HDAC9: variants seen among roughly 807,000 people sequenced by gnomAD.
The protein encoded by HDAC9 is histone deacetylase 9.
Under a neutral mutation model 139.4 loss-of-function variants are expected in HDAC9, and 41 were observed. The ratio of observed to expected loss-of-function variants is 0.29; its 90% confidence interval spans 0.23 to 0.38. The LOEUF is 0.38. Among genes scored for constraint, HDAC9 ranks in the 10% least tolerant of loss-of-function variants. The pLI is 1.00. For synonymous variants in HDAC9, 517 were observed against 476.2 expected (o/e 1.09, Z -1.12); for missense variants, 1,147 against 1,297.0 (o/e 0.88, Z 1.78).
At chr7:18,316,337 T>G (rs1022137875) in intron 1 of HDAC9, among the ~76,000 whole-genome samples, 1 of 152,192 alleles carries the variant, frequency 6.6e-6, no homozygotes, top group South Asian at 2.1e-4. Context: ...AACTTTGCAC[T>G]CAGTTTGGGG....
chr7:18,227,561 T>C (rs1012116300), intron 2 of HDAC9, among the ~76,000 whole-genome samples: 2 of 152,150 alleles, frequency 1.3e-5, no homozygotes, highest in Admixed American at 6.6e-5. Context: ...AATAATTTGT[T>C]ATCAACATTC....
At chr7:18,698,189 T>G (rs746981731) in intron 12 of HDAC9, among the ~76,000 whole-genome samples, 8 of 152,180 alleles carry the variant, frequency 5.3e-5, no homozygotes, top group Admixed American at 3.3e-4. Context: ...TCTGCTACTT[T>G]TCTCCCCCTA....
At chr7:18,991,442 C>T (rs923389651) in intron 25 of HDAC9, among the ~76,000 whole-genome samples, 5 of 152,118 alleles carry the variant, frequency 3.3e-5, no homozygotes, top group Non-Finnish European at 4.4e-5. Context: ...TCAAGACCAT[C>T]CTGGCTAACA....
At chr7:18,437,898 T>G (rs1483272752) in intron 1 of HDAC9, among the ~76,000 whole-genome samples, 2 of 151,220 alleles carry the variant, frequency 1.3e-5, no homozygotes, top group Non-Finnish European at 3.0e-5. Context: ...TTTCTGAACA[T>G]TTACACACAT....
intron 1 of HDAC9, among the ~76,000 whole-genome samples, chr7:18,392,305 TCTCTCTCTCTCA>T (rs1300690258): frequency 5.1e-5 from 7 of 136,570 alleles, no homozygotes; most frequent in East Asian, 2.1e-4. Context: ...TCTCTCTCTC[TCTCTCTCTCTCA>T]CACACACACA....
chr7:18,475,013 TA>T (rs1430865241), intron 1 of HDAC9, among the ~76,000 whole-genome samples: 9 of 152,358 alleles, frequency 5.9e-5, no homozygotes, highest in African/African-American at 1.9e-4. Flanking sequence ...AATAGAATTT[TA>T]AACTAAAGTT....
chr7:18,322,006 G>A lies in HDAC9; in HGVS notation c.-42+31491G>A, dbSNP rs189825108. On this transcript the variant is annotated intron_variant, in intron 1 of 3. Transcript: ENST00000413509. ...TTCTTTGAGGTGAGAATGCCTTTGA[G>A]ATTTCTAGTGGAATAAATGTAAAGC... Among the ~76,000 whole-genome samples the A allele has an allele frequency of 4.5e-3, 690 of 152,256 alleles. 8 individuals carry two copies. Among genetic ancestry groups the A allele is most frequent in the Middle Eastern group, 6.8e-3 (2 of 294 alleles).
chr7:18,273,152 T>A (rs1036832377), intron 2 of HDAC9, among the ~76,000 whole-genome samples: 1 of 143,390 alleles, frequency 7.0e-6, no homozygotes, highest in Non-Finnish European at 1.5e-5. Flanking sequence ...AGCATCAAAC[T>A]CGTGGACTTA....
chr7:18,461,343 G>C (rs1464505775), intron 1 of HDAC9, among the ~76,000 whole-genome samples: 3 of 152,142 alleles, frequency 2.0e-5, no homozygotes, highest in Non-Finnish European at 4.4e-5. Context: ...TTAAGTTTCA[G>C]TTAAAATGGT....
chr7:18,869,371 C>G (rs114544863), intron 21 of HDAC9, among the ~76,000 whole-genome samples: 2,034 of 152,092 alleles, frequency 0.013, 16 homozygotes, highest in Non-Finnish European at 0.015. Flanking sequence ...ATAGAGTTCT[C>G]ATGAAATCTG....
intron 22 of HDAC9, among the ~76,000 whole-genome samples, chr7:18,915,047 A>G (rs1340469381): frequency 1.1e-4 from 17 of 152,112 alleles, no homozygotes; most frequent in Admixed American, 1.1e-3. Context: ...TTGTTCAAAT[A>G]AAGATATATG....
intron 1 of HDAC9, among the ~76,000 whole-genome samples, chr7:18,132,747 C>A (rs1373954094): frequency 2.0e-5 from 3 of 152,074 alleles, no homozygotes; most frequent in African/African-American, 7.2e-5. Flanking sequence ...ACCTGTGAGG[C>A]CTTAGTTTTA....
At chr7:18,345,965 A>G (rs1211902561) in intron 1 of HDAC9, among the ~76,000 whole-genome samples, 2 of 152,136 alleles carry the variant, frequency 1.3e-5, no homozygotes, top group Non-Finnish European at 2.9e-5. Context: ...AGCAGAAACG[A>G]CATGAGTTTA....
intron 12 of HDAC9, among the ~76,000 whole-genome samples, chr7:18,711,030 T>C (rs2129113112): frequency 6.6e-6 from 1 of 152,334 alleles, no homozygotes; most frequent in East Asian, 1.9e-4. Context: ...GGTGTAGTAA[T>C]AATTTTCAGT....
chr7:18,623,511 AT>A (rs571206249), intron 6 of HDAC9, among the ~76,000 whole-genome samples: 20 of 150,218 alleles, frequency 1.3e-4, no homozygotes, highest in African/African-American at 4.1e-4. Flanking sequence ...GTAATGAACA[AT>A]TTTTTTTTTA....
chr7:18,648,783 A>G, intron 11 of HDAC9, 100 bp downstream of exon 11: 1 of 1,000,366 alleles, frequency 1.0e-6, no homozygotes, highest in Non-Finnish European at 1.5e-6. Flanking sequence ...GATGGGAGTC[A>G]CAGCAAAAAG....
At chr7:18,850,062 A>C (rs1451502545) in intron 21 of HDAC9, among the ~76,000 whole-genome samples, 1 of 149,842 alleles carries the variant, frequency 6.7e-6, no homozygotes, top group Non-Finnish European at 1.5e-5. Context: ...TATTCAACCA[A>C]TGTCTTTAAA....
intron 1 of HDAC9, among the ~76,000 whole-genome samples, chr7:18,300,877 A>C (rs1798496281): frequency 6.6e-6 from 1 of 152,178 alleles, no homozygotes; most frequent in Non-Finnish European, 1.5e-5. Flanking sequence ...AGGTTATGAA[A>C]TGGCAGTTGA....
At chr7:18,118,988 G>A (rs1423690746) in intron 1 of HDAC9, among the ~76,000 whole-genome samples, 1 of 152,082 alleles carries the variant, frequency 6.6e-6, no homozygotes, top group Non-Finnish European at 1.5e-5. Flanking sequence ...AGTTGAACCT[G>A]GCTTCTTTCA....
Sources: gnomAD v4.1 joint callset for allele counts (sites outside exome capture counted in the v4.1 genomes callset) on GRCh38, gnomAD v4.1.1 for gene constraint, MANE v1.5 for transcripts, NCBI Gene and HGNC (gene_info 2026-07-23, HGNC 2026-07-21) for gene names.